The following OTOA variants were observed in gnomAD, a reference collection of about 807,000 sequenced individuals.
OTOA encodes the protein otoancorin, also known as cancer/testis antigen 108.
Under a neutral mutation model 110.8 loss-of-function variants are expected in OTOA, and 70 were observed. The ratio of observed to expected loss-of-function variants is 0.63; its 90% CI spans 0.52 to 0.77. The LOEUF (loss-of-function observed/expected upper bound fraction) is 0.77. OTOA is among the 30% of genes least tolerant of loss of function. OTOA has a pLI of 0.00. For missense variants in OTOA, 917 were observed against 1,075.8 expected (o/e 0.85, Z 2.06); for synonymous variants, 373 against 431.5 (o/e 0.86, Z 1.68).
intron 14 of OTOA, among the ~76,000 whole-genome samples, chr16:21,716,671 G>C (rs1898563376): frequency 6.6e-6 from 1 of 152,018 alleles, no homozygotes; most frequent in Non-Finnish European, 1.5e-5. Context: ...GAAATAAGGA[G>C]CACGGGTTTT....
chr16:21,737,811 C>T (rs1294219888), intron 22 of OTOA, among the ~76,000 whole-genome samples: 1 of 152,400 alleles, frequency 6.6e-6, no homozygotes, highest in Non-Finnish European at 1.5e-5. Context: ...AGCTACCATG[C>T]CTGTCCAAGT....
chr16:21,735,466 C>T (rs1764581765), intron 21 of OTOA, among the ~76,000 whole-genome samples: 1 of 152,100 alleles, frequency 6.6e-6, no homozygotes, highest in African/African-American at 2.4e-5. Context: ...CTGGGCCCCA[C>T]CTCCAACACT....
intron 13 of OTOA, among the ~76,000 whole-genome samples, chr16:21,714,128 T>G (rs1276764507): frequency 6.6e-6 from 1 of 152,166 alleles, no homozygotes. Context: ...AAGCATGTCC[T>G]TGATTATATG....
chr16:21,681,212 AATTT>A (rs1455642042), intron 5 of OTOA, among the ~76,000 whole-genome samples: 1 of 152,162 alleles, frequency 6.6e-6, no homozygotes, highest in African/African-American at 2.4e-5. Context: ...ACAGCTTAGA[AATTT>A]GGGAATTGGC....
chr16:21,686,052 T>G (rs1185101389), intron 7 of OTOA, among the ~76,000 whole-genome samples: 1 of 151,998 alleles, frequency 6.6e-6, no homozygotes. Context: ...ACAAAATGAG[T>G]TTAGTGATCC....
intron 20 of OTOA, 26 bp downstream of exon 20, chr16:21,728,457 T>C (rs1317829785): frequency 6.2e-7 from 1 of 1,607,898 alleles, no homozygotes; most frequent in Non-Finnish European, 8.5e-7. Flanking sequence ...GTTTGGCTTT[T>C]GGTGGTGTGG....
chr16:21,730,680 C>T, intron 20 of OTOA, 157 bp from the exon 21 acceptor site: 1 of 628,016 alleles, frequency 1.6e-6, no homozygotes. Context: ...GGTCAGCCTG[C>T]ATCACATGCC....
At chr16:21,711,332 A>AC (rs985041080) in intron 13 of OTOA, among the ~76,000 whole-genome samples, 52 of 152,120 alleles carry the variant, frequency 3.4e-4, no homozygotes, top group African/African-American at 1.3e-3. Context: ...TTTGGTGGGG[A>AC]CAGGAGTCTT....
intron 18 of OTOA, among the ~76,000 whole-genome samples, chr16:21,725,047 G>T (rs1898871205): frequency 6.6e-6 from 1 of 152,032 alleles, no homozygotes; most frequent in African/African-American, 2.4e-5. Context: ...CAAAGTGCTG[G>T]GATTACAGGC....
intron 28 of OTOA, among the ~76,000 whole-genome samples, chr16:21,760,069 CTAAG>C (rs1900120154): frequency 6.6e-6 from 1 of 151,900 alleles, no homozygotes; most frequent in East Asian, 1.9e-4. Context: ...CCCCAAGGGC[CTAAG>C]TGAGGGCTGC....
At chr16:21,714,901 A>G in intron 13 of OTOA, 84 bp from the exon 14 acceptor site, 2 of 1,572,672 alleles carry the variant, frequency 1.3e-6, no homozygotes, top group Non-Finnish European at 1.7e-6. Context: ...CCATCCCTAT[A>G]CTTGGCACAT....
intron 20 of OTOA, 115 bp downstream of exon 20, chr16:21,728,546 C>A (rs1409101062): frequency 7.9e-7 from 1 of 1,259,466 alleles, no homozygotes; most frequent in South Asian, 1.4e-5. Flanking sequence ...AGATAAAATT[C>A]TTATGCTTAT....
chr16:21,718,288 C>T (rs1425598131), intron 15 of OTOA, among the ~76,000 whole-genome samples: 2 of 152,118 alleles, frequency 1.3e-5, no homozygotes, highest in African/African-American at 4.8e-5. Flanking sequence ...TACATTCTGC[C>T]ACCGAAGACT....
intron 1 of OTOA, among the ~76,000 whole-genome samples, chr16:21,668,618 G>A (rs1156505534): frequency 1.3e-5 from 2 of 151,408 alleles, no homozygotes; most frequent in Admixed American, 6.6e-5. Context: ...GCGCCACCAT[G>A]CCCAGCTAAG....
At chr16:21,677,121 G>A (rs993550409) in intron 1 of OTOA, among the ~76,000 whole-genome samples, 3 of 152,148 alleles carry the variant, frequency 2.0e-5, no homozygotes, top group Non-Finnish European at 4.4e-5. Context: ...TATTGGATAT[G>A]TGATTGTTTC....
chr16:21,700,817 C>T (rs991969181), intron 10 of OTOA, 71 bp from the exon 11 acceptor site: 77 of 1,588,654 alleles, frequency 4.8e-5, no homozygotes, highest in Admixed American at 3.2e-4. Context: ...CAGTGCAGAC[C>T]ACCAGGGTGG....
intron 2 of OTOA, 83 bp from the exon 3 acceptor site, chr16:21,678,831 TG>T (rs1966868670): frequency 6.6e-7 from 1 of 1,525,890 alleles, no homozygotes; most frequent in Admixed American, 1.7e-5. Flanking sequence ...AGTGGCTTTC[TG>T]GGGCTTTTCC....
At chr16:21,706,966 C>A (rs1417102475) in intron 12 of OTOA, among the ~76,000 whole-genome samples, 1 of 151,166 alleles carries the variant, frequency 6.6e-6, no homozygotes, top group Non-Finnish European at 1.5e-5. Flanking sequence ...CTCATTGCAA[C>A]CTTCGCCTTG....
intron 1 of OTOA, among the ~76,000 whole-genome samples, chr16:21,676,580 A>G (rs1422081958): frequency 6.6e-6 from 1 of 152,138 alleles, no homozygotes; most frequent in East Asian, 1.9e-4. Context: ...AGGTCCAAGG[A>G]TTGTTCTGCC....
Sources: allele counts gnomAD v4.1 joint callset (sites outside exome capture counted in the v4.1 genomes callset), GRCh38; gene constraint gnomAD v4.1.1; transcripts MANE v1.5; gene names NCBI Gene and HGNC (gene_info 2026-07-23, HGNC 2026-07-21).